The following NEK4 variants were observed in gnomAD, a reference collection of about 807,000 sequenced individuals.
The protein encoded by NEK4 is NIMA related kinase 4, also known as serine/threonine-protein kinase Nek4.
A neutral mutation model predicts 98.4 loss-of-function variants in NEK4; 86 were observed. The ratio of observed to expected loss-of-function variants is 0.87; its 90% CI spans 0.73 to 1.05. NEK4 has a LOEUF of 1.05. Among genes scored for constraint, NEK4 ranks in the 50% least tolerant of loss-of-function variants. NEK4 has a pLI of 0.00. For missense variants in NEK4, 898 were observed against 950.3 expected (o/e 0.94, Z 0.72); for synonymous variants, 328 against 342.2 (o/e 0.96, Z 0.46).
intron 1 of NEK4, among the ~76,000 whole-genome samples, chr3:52,770,304 G>A (rs965516985): frequency 6.6e-6 from 1 of 151,926 alleles, no homozygotes; most frequent in Non-Finnish European, 1.5e-5. Context: ...CATGATACCG[G>A]CTCTCATGAG....
At chr3:52,728,308 A>G (rs1277442916) in intron 15 of NEK4, among the ~76,000 whole-genome samples, 1 of 152,202 alleles carries the variant, frequency 6.6e-6, no homozygotes, top group Admixed American at 6.5e-5. Flanking sequence ...CCTTAGAGGT[A>G]GAGGTTACAG....
chr3:52,766,191 G>T lies in NEK4; in HGVS notation c.545C>A (p.Pro182His). The change falls in exon 3 of 16, where the codon CCC becomes CAC. Residue 182 changes from proline to histidine, a missense_variant. Transcript: ENST00000233027. ...GCCCAATCCTACCTTATAGTTGTAG[G>T]GTTTGTTTGAGAACAATTCAGGGCT... is the stretch of plus-strand genomic sequence containing the variant. ...YMSPELFSNK[P>H]YNYKSDVWAL... The T allele has an allele frequency of 3.1e-6, 5 of 1,614,004 alleles. No homozygotes were observed. Among genetic ancestry groups the T allele is most frequent in the Non-Finnish European group, 3.4e-6 (4 of 1,179,902 alleles).
At chr3:52,759,498 T>C (rs1472904892) in intron 6 of NEK4, among the ~76,000 whole-genome samples, 7 of 152,110 alleles carry the variant, frequency 4.6e-5, no homozygotes, top group Non-Finnish European at 1.5e-5. Context: ...CATTAATCGT[T>C]AGGGAAATAC....
At chr3:52,762,461 A>G (rs1698393495) in intron 5 of NEK4, among the ~76,000 whole-genome samples, 1 of 152,140 alleles carries the variant, frequency 6.6e-6, no homozygotes, top group Non-Finnish European at 1.5e-5. Context: ...AAAAATTTAC[A>G]CTATATGTCT....
chr3:52,718,860 T>C (rs1465693141), intron 15 of NEK4, among the ~76,000 whole-genome samples: 1 of 152,164 alleles, frequency 6.6e-6, no homozygotes, highest in African/African-American at 2.4e-5. Context: ...TGGGCTCAAG[T>C]GATTCTCCTG....
chr3:52,726,877 C>G (rs2097365079), intron 15 of NEK4, among the ~76,000 whole-genome samples: 1 of 151,972 alleles, frequency 6.6e-6, no homozygotes, highest in East Asian at 1.9e-4. Context: ...GCACTCCAGC[C>G]TGGGTGACAG....
At chr3:52,730,691 G>A (rs1384325767) in intron 15 of NEK4, among the ~76,000 whole-genome samples, 2 of 152,134 alleles carry the variant, frequency 1.3e-5, no homozygotes, top group Admixed American at 6.5e-5. Flanking sequence ...AAAGTATTCT[G>A]GAAGACTTTA....
chr3:52,735,363 A>G (rs2097374486), intron 15 of NEK4, among the ~76,000 whole-genome samples: 1 of 152,242 alleles, frequency 6.6e-6, no homozygotes, highest in Non-Finnish European at 1.5e-5. Flanking sequence ...AAATGTAACA[A>G]TTAGCATAGA....
chr3:52,726,442 C>CAA (rs199608939), intron 15 of NEK4, among the ~76,000 whole-genome samples: 8 of 151,402 alleles, frequency 5.3e-5, no homozygotes, highest in South Asian at 2.1e-4. Context: ...TCTAAAAATA[C>CAA]AAAAAAATTA....
intron 15 of NEK4, among the ~76,000 whole-genome samples, chr3:52,726,366 A>T (rs560270918): frequency 6.6e-6 from 1 of 152,172 alleles, no homozygotes; most frequent in South Asian, 2.1e-4. Flanking sequence ...TAGGAGGCTG[A>T]GGCAGGTGAA....
chr3:52,754,698 A>G (rs989790973), intron 6 of NEK4: 3 of 559,536 alleles, frequency 5.4e-6, no homozygotes, highest in Non-Finnish European at 1.1e-5. Context: ...AACTTAAGAG[A>G]TGGTGAATCT....
intron 2 of NEK4, 142 bp downstream of exon 2, chr3:52,768,196 G>A: frequency 1.4e-6 from 1 of 713,370 alleles, no homozygotes; most frequent in Non-Finnish European, 2.4e-6. Flanking sequence ...TACAGAAAGA[G>A]TGACTGGGTC....
chr3:52,734,174 C>T (rs1671159941), intron 15 of NEK4, among the ~76,000 whole-genome samples: 2 of 151,922 alleles, frequency 1.3e-5, no homozygotes, highest in Non-Finnish European at 1.5e-5. Flanking sequence ...AGGCCAGGCG[C>T]GGTGGCTCAT....
rs1176208894 is a variant in NEK4, at chr3:52,746,107, G to C, written c.1781C>G (p.Thr594Ser). The C allele has an allele frequency of 6.2e-7, 1 of 1,614,124 alleles. No individual in the cohort carries two copies. The highest frequency in any genetic ancestry group is 8.5e-7 in the Non-Finnish European group (1 of 1,179,988). The stretch of plus-strand genomic sequence containing the variant: ...GCTCCTTGAACTGCTCACAGACCCA[G>C]TGACCACTCTACGTTGGTTTTCAGC... The part of the protein sequence containing the change: ...KEAENQRRVV[T>S]GSVSSSRSSE... The change falls in exon 10 of 16, where the codon ACT becomes AGT. Residue 594 changes from threonine (T) to serine (S), a missense_variant. Transcript: ENST00000233027.
chr3:52,749,980 C>T (rs1234074946), intron 7 of NEK4, among the ~76,000 whole-genome samples, 151 bp from the exon 8 acceptor site: 1 of 152,134 alleles, frequency 6.6e-6, no homozygotes, highest in Non-Finnish European at 1.5e-5. Context: ...TAAACTGGAA[C>T]CCTCATATAT....
At chr3:52,763,365 G>T in intron 5 of NEK4, 105 bp downstream of exon 5, 2 of 1,192,904 alleles carry the variant, frequency 1.7e-6, no homozygotes, top group East Asian at 2.4e-5. Context: ...TTTATTTCTT[G>T]TTTTTAAGAA....
Position 52,744,250 on chromosome 3 carries a change from A to C in NEK4, c.1883T>G (p.Met628Arg), listed in dbSNP as rs769917822. The C allele has an allele frequency of 1.2e-6, 2 of 1,613,494 alleles. No homozygotes were observed. The highest frequency in any genetic ancestry group is 8.5e-7 in the Non-Finnish European group (1 of 1,179,414). Reference protein sequence around the residue: ...RRRLKQSQEEMSSSGPSVRKA... With the variant: ...RRRLKQSQEERSSSGPSVRKA... ...GAAGTCAACTTTACCTGAAGAGGAC[A>C]TTTCTTCCTGTGACTGCTTTAGTCG... The change falls in exon 11 of 16, where the codon ATG becomes AGG. Residue 628 changes from methionine (M) to arginine (R), a missense_variant. By Grantham distance (91) the Met-to-Arg change is moderately conservative. Transcript: ENST00000233027.
At chr3:52,761,992 A>G (rs1409116138) in intron 5 of NEK4, among the ~76,000 whole-genome samples, 1 of 152,226 alleles carries the variant, frequency 6.6e-6, no homozygotes, top group Non-Finnish European at 1.5e-5. Flanking sequence ...GTACACTGGA[A>G]GGCCAAAGGT....
intron 10 of NEK4, among the ~76,000 whole-genome samples, 198 bp downstream of exon 10, chr3:52,745,863 T>C (rs1380512238): frequency 1.3e-5 from 2 of 152,122 alleles, no homozygotes; most frequent in African/African-American, 4.8e-5. Context: ...GCTGGGACTA[T>C]AGGCACATGC....
Sources: allele counts gnomAD v4.1 joint callset (sites outside exome capture counted in the v4.1 genomes callset), GRCh38; gene constraint gnomAD v4.1.1; transcripts MANE v1.5; gene names NCBI Gene and HGNC (gene_info 2026-07-23, HGNC 2026-07-21).